Variants in SS18 observed in about 807,000 individuals in gnomAD.
The protein encoded by SS18 is SS18 subunit of BAF chromatin remodeling complex, also known as protein SSXT.
A neutral mutation model predicts 72.5 loss-of-function variants in SS18; 28 were observed. The observed-to-expected ratio is 0.39, with a 90% CI of 0.29 to 0.53. The LOEUF (loss-of-function observed/expected upper bound fraction) is 0.53, where lower values mean the gene tolerates loss of function less well. SS18 is among the 20% of genes least tolerant of loss of function. The pLI, the probability that SS18 is intolerant of heterozygous loss-of-function variation, is 0.76. For missense variants in SS18, 518 were observed against 535.3 expected (o/e 0.97, Z 0.32); for synonymous variants, 172 against 164.2 (o/e 1.05, Z -0.37).
intron 5 of SS18, among the ~76,000 whole-genome samples, chr18:26,050,964 T>C (rs942486979): frequency 6.6e-6 from 1 of 152,280 alleles, no homozygotes; most frequent in Non-Finnish European, 1.5e-5. Flanking sequence ...ATTTTAACCA[T>C]ATTTTCTTTT....
intron 3 of SS18, among the ~76,000 whole-genome samples, chr18:26,073,189 C>T (rs534169835): frequency 6.6e-6 from 1 of 151,920 alleles, no homozygotes; most frequent in South Asian, 2.1e-4. Context: ...AATAAAATAT[C>T]CATGTTTGGA....
intron 3 of SS18, among the ~76,000 whole-genome samples, chr18:26,071,433 C>A (rs1274088212): frequency 6.6e-6 from 1 of 152,162 alleles, no homozygotes; most frequent in Non-Finnish European, 1.5e-5. Flanking sequence ...ACATTGATAT[C>A]TGAATTTTCA....
chr18:26,090,634 G>A, upstream of SS18: 1 of 1,495,856 alleles, frequency 6.7e-7, no homozygotes, highest in Admixed American at 2.0e-5. Flanking sequence ...CTGGGGGAGA[G>A]ACGCCGGCCT....
chr18:26,020,116 CTTA>C (rs1306874180), intron 10 of SS18, among the ~76,000 whole-genome samples: 1 of 152,006 alleles, frequency 6.6e-6, no homozygotes, highest in Non-Finnish European at 1.5e-5. Flanking sequence ...CATACTGGAG[CTTA>C]TTATTCCATT....
chr18:26,055,713 C>T (rs1425753576), intron 4 of SS18, among the ~76,000 whole-genome samples: 1 of 151,126 alleles, frequency 6.6e-6, no homozygotes, highest in Non-Finnish European at 1.5e-5. Flanking sequence ...CTACACTTAA[C>T]TGTAACTCCG....
chr18:26,018,711 C>T (rs533729804), intron 10 of SS18, among the ~76,000 whole-genome samples: 2 of 152,234 alleles, frequency 1.3e-5, no homozygotes, highest in East Asian at 1.9e-4. Context: ...TAGTTCTAAA[C>T]TCTGATGTAA....
At chr18:26,048,148 A>G (rs951195669) in intron 5 of SS18, among the ~76,000 whole-genome samples, 2 of 152,246 alleles carry the variant, frequency 1.3e-5, no homozygotes, top group Non-Finnish European at 2.9e-5. Context: ...AGCATTTTAT[A>G]TGCTGTAGGA....
intron 1 of SS18, among the ~76,000 whole-genome samples, chr18:26,088,546 A>T (rs1474721709): frequency 6.6e-6 from 1 of 152,234 alleles, no homozygotes; most frequent in African/African-American, 2.4e-5. Flanking sequence ...TCATTCTATC[A>T]TCTTTTAACA....
intron 1 of SS18, 67 bp from the exon 2 acceptor site, chr18:26,087,644 T>C (rs924952387): frequency 1.1e-6 from 1 of 928,052 alleles, no homozygotes; most frequent in African/African-American, 1.7e-5. Flanking sequence ...AACTAGAAAA[T>C]TCAGAAAGGG....
rs1005786502 is a variant in SS18, at chr18:26,053,556, T to A, written c.386-711A>T. On this transcript the variant is annotated intron_variant, in intron 4 of 10. Coordinates refer to ENST00000415083, the MANE Select transcript of SS18 (RefSeq NM_001007559.3). The stretch of plus-strand genomic sequence containing the variant: ...AATAAAAAGGTAAATAAGAAAATAT[T>A]ATTTATAAGATAGATCGCAGACCCA... Among the ~76,000 whole-genome samples the A allele has an allele frequency of 6.6e-5, 10 of 151,856 alleles. No individual in the cohort carries two copies. The South Asian group carries it at 1.9e-3, about 28-fold the overall frequency.
intron 6 of SS18, among the ~76,000 whole-genome samples, 158 bp downstream of exon 6, chr18:26,039,131 G>A (rs2143882837): frequency 7.8e-6 from 1 of 128,530 alleles, no homozygotes; most frequent in East Asian, 2.3e-4. Context: ...TATCTTCTTC[G>A]TGACCCCTTT....
intron 10 of SS18, among the ~76,000 whole-genome samples, chr18:26,027,517 T>G (rs200013530): frequency 6.7e-6 from 1 of 150,362 alleles, no homozygotes; most frequent in Non-Finnish European, 1.5e-5. Flanking sequence ...AAATAAATAA[T>G]TAAAATTAGC....
At position 26,018,128 on chromosome 18, in the gene SS18, T is replaced by C. The variant is rs1437137855; in HGVS notation, c.*226A>G. On this transcript the variant is annotated 3_prime_UTR_variant, in exon 11 of 11. Coordinates refer to ENST00000415083, the MANE Select transcript of SS18 (RefSeq NM_001007559.3). The stretch of plus-strand genomic sequence containing the variant: ...TTATGTCATTGCATTTTCTGTCCAA[T>C]GTTGCCATCTAGAGTAGAAATGTGA... 9.5e-6 allele frequency: 4 copies of C among 421,730 alleles called. No individual in the cohort carries two copies. The highest frequency in any genetic ancestry group is 4.1e-5 in the Admixed American group (1 of 24,410). The allele number at this position is 421,730 out of a possible 1,614,324, so 26.1% of individuals were successfully genotyped here.
At chr18:26,071,570 C>A (rs2054309914) in intron 3 of SS18, among the ~76,000 whole-genome samples, 1 of 152,126 alleles carries the variant, frequency 6.6e-6, no homozygotes, top group Admixed American at 6.5e-5. Flanking sequence ...GTGGCTCATG[C>A]CTACAATCCC....
At chr18:26,019,629 G>A (rs917186005) in intron 10 of SS18, among the ~76,000 whole-genome samples, 11 of 151,790 alleles carry the variant, frequency 7.2e-5, no homozygotes, top group African/African-American at 2.7e-4. Context: ...TGACTAACAT[G>A]GTGAAACCCC....
At chr18:26,031,284 T>C (rs2143830004) in intron 10 of SS18, among the ~76,000 whole-genome samples, 1 of 152,302 alleles carries the variant, frequency 6.6e-6, no homozygotes, top group South Asian at 2.1e-4. Flanking sequence ...CTCCTTTGCC[T>C]TAAATAAGAA....
chr18:26,035,306 G>A lies in SS18; in HGVS notation c.974-179C>T, dbSNP rs897991308. On this transcript the variant is annotated intron_variant, in intron 8 of 10. Transcript: ENST00000415083. This position sits in a 1 kb window ranked among gnomAD's most constrained non-coding sequence, Gnocchi z 4.4. ...CAGAAGGATTTCGGCCAAACAAACT[G>A]CAGTTAAAGCCAATTTTGCAAGGTT... The A allele has an allele frequency of 2.8e-6, 2 of 722,940 alleles. No homozygotes were observed. The highest frequency in any genetic ancestry group is 8.8e-4 in the Middle Eastern group (2 of 2,264). The allele number at this position is 722,940 out of a possible 1,614,324, so 44.8% of individuals were successfully genotyped here.
chr18:26,071,669 A>G (rs2054311835), intron 3 of SS18, among the ~76,000 whole-genome samples: 1 of 152,150 alleles, frequency 6.6e-6, no homozygotes, highest in African/African-American at 2.4e-5. Flanking sequence ...TTCTCCAAAA[A>G]ATACAAAAAT....
At chr18:26,028,788 G>C (rs78899439) in intron 10 of SS18, among the ~76,000 whole-genome samples, 2,325 of 152,212 alleles carry the variant, frequency 0.015, 63 homozygotes, top group African/African-American at 0.053. Context: ...AGGGGCACAG[G>C]GAAAACTTCT....
Sources: gnomAD v4.1 joint callset for allele counts (sites outside exome capture counted in the v4.1 genomes callset) on GRCh38, gnomAD v4.1.1 for gene constraint, Gnocchi (gnomAD v3.1) non-coding constraint, MANE v1.5 for transcripts, NCBI Gene and HGNC (gene_info 2026-07-23, HGNC 2026-07-21) for gene names.